Variants in RFX7 observed in about 807,000 individuals in gnomAD.
The protein encoded by RFX7 is regulatory factor X7.
RFX7 carries 26 observed loss-of-function variants against 111.8 expected under a neutral mutation model. The observed-to-expected ratio is 0.23, with a 90% CI of 0.17 to 0.32. RFX7 has a LOEUF of 0.32. RFX7 is among the 10% of genes least tolerant of loss of function. The pLI is 1.00. For missense variants in RFX7, 1,573 were observed against 1,772.9 expected, an observed-to-expected ratio of 0.89 and a Z score of 2.02; for synonymous variants, 624 against 624.4, an observed-to-expected ratio of 1.00 and a Z score of 0.01.
rs368199906 is a variant in RFX7 at position 56,173,977 on chromosome 15, G to A, written c.195+5293C>T. On this transcript the variant is annotated intron_variant, in intron 3 of 9. Transcript: ENST00000559447. Reference sequence around the variant, plus strand: ...TATTTAAGACAGAAACAAAATGGAGGATATAAAAACTTCTATAAAAAAGTG... The same window carrying A: ...TATTTAAGACAGAAACAAAATGGAGAATATAAAAACTTCTATAAAAAAGTG... Among the ~76,000 whole-genome samples, 128 of 152,126 alleles carry A rather than the reference G, an allele frequency of 8.4e-4. 2 individuals carry two copies. The South Asian group carries it at 0.017, about 20-fold the overall frequency.
In RFX7 at chr15:56,105,355, A is replaced by C. The variant is rs145707675; in HGVS notation, c.402-1685T>G. Among the ~76,000 whole-genome samples the C allele has an allele frequency of 1.1e-3, 165 of 152,358 alleles. 1 individual carries two copies. The highest frequency in any genetic ancestry group is 3.8e-3 in the African/African-American group (158 of 41,580). On this transcript the variant is annotated intron_variant, in intron 5 of 9. Transcript: ENST00000559447. Reference sequence around the variant, plus strand: ...TCATCACACTAAGTTCAAGCAGGGCAGTGACCATACCTATTGGATTCGCCA... The same window carrying C: ...TCATCACACTAAGTTCAAGCAGGGCCGTGACCATACCTATTGGATTCGCCA...
intron 2 of RFX7, among the ~76,000 whole-genome samples, chr15:56,232,703 C>T (rs1478374318): frequency 6.6e-6 from 1 of 152,206 alleles, no homozygotes; most frequent in East Asian, 1.9e-4. Flanking sequence ...GAACGCTTTG[C>T]TGCATAGAAA....
intron 8 of RFX7, 68 bp downstream of exon 8, chr15:56,101,291 T>C: frequency 7.5e-7 from 1 of 1,331,300 alleles, no homozygotes; most frequent in Non-Finnish European, 1.1e-6. Flanking sequence ...CTAACTCTTC[T>C]TTTGCTACCA....
chr15:56,146,611 A>T (rs1011532919), intron 3 of RFX7, among the ~76,000 whole-genome samples: 1 of 152,164 alleles, frequency 6.6e-6, no homozygotes, highest in Admixed American at 6.5e-5. Context: ...AATAGAAAAG[A>T]AATTCCAGAA....
At position 56,243,642 on chromosome 15, in the gene RFX7, G is replaced by C. The variant is rs1369275436; in HGVS notation, c.-200C>G. 6.9e-6 allele frequency: 1 copy of C among 143,912 alleles called. No individual in the cohort carries two copies. Among genetic ancestry groups the C allele is most frequent in the Non-Finnish European group, 1.3e-5 (1 of 76,202 alleles). The allele number at this position is 143,912 out of a possible 1,614,324, so 8.9% of individuals were successfully genotyped here. ...GATGGGGGCGTTTGAAGACGAAGTG[G>C]GGGGGGCAGGCTCCCCCCAAAATCC... On this transcript the variant is annotated 5_prime_UTR_variant, in exon 1 of 10. Coordinates refer to ENST00000559447, the MANE Select transcript of RFX7 (RefSeq NM_022841.7).
At chr15:56,111,906 G>A (rs1373713621) in intron 5 of RFX7, among the ~76,000 whole-genome samples, 8 of 151,928 alleles carry the variant, frequency 5.3e-5, no homozygotes, top group Non-Finnish European at 1.2e-4. Context: ...CACGAGGTCA[G>A]GAGGTCGAGA....
Position 56,095,838 on chromosome 15 carries a change from G to C in RFX7, c.1890C>G (p.Asn630Lys). Reference sequence around the variant, plus strand: ...GTGAGCTGCTGCTGGTGAAAGTTAAGTTCTGAGAAGCAACTGATAGAGTGA... The same window carrying C: ...GTGAGCTGCTGCTGGTGAAAGTTAACTTCTGAGAAGCAACTGATAGAGTGA... ...STITLSVASQ[N>K]LTFTSSSSPP... Residue 630 changes from asparagine to lysine, a missense_variant, in exon 10 of 10, where the codon AAC (asparagine) becomes AAG (lysine). By Grantham distance (94) the Asn-to-Lys change is moderately conservative (BLOSUM62 0). Coordinates refer to ENST00000559447, the MANE Select transcript of RFX7 (RefSeq NM_022841.7). 1 of 1,608,740 alleles carries C rather than the reference G, an allele frequency of 6.2e-7. No homozygotes were observed. Among genetic ancestry groups the C allele is most frequent in the Non-Finnish European group, 8.5e-7 (1 of 1,179,832 alleles).
chr15:56,136,794 A>C (rs2042309296), intron 5 of RFX7, among the ~76,000 whole-genome samples: 1 of 143,132 alleles, frequency 7.0e-6, no homozygotes, highest in Admixed American at 7.0e-5. Flanking sequence ...ACGTCCCATC[A>C]ATACCTAATT....
intron 2 of RFX7, among the ~76,000 whole-genome samples, chr15:56,233,714 C>T (rs563377124): frequency 1.3e-5 from 2 of 152,230 alleles, no homozygotes; most frequent in African/African-American, 4.8e-5. Flanking sequence ...TGGCAAGGTA[C>T]TAAGGCATAG....
At chr15:56,233,744 G>C (rs532444747) in intron 2 of RFX7, among the ~76,000 whole-genome samples, 1 of 152,258 alleles carries the variant, frequency 6.6e-6, no homozygotes, top group East Asian at 1.9e-4. Context: ...GGTTGTGAAA[G>C]GCCAAGTTTA....
chr15:56,218,218 G>A lies in RFX7; in HGVS notation c.161+24907C>T, dbSNP rs1026509554. On this transcript the variant is annotated intron_variant, in intron 2 of 9. Transcript: ENST00000559447. Reference sequence around the variant, plus strand: ...TGCCCAGGCTGGAGTGCAATGGCGCGTTCTCGGCTCACTGCAACCTCTGCC... The same window carrying A: ...TGCCCAGGCTGGAGTGCAATGGCGCATTCTCGGCTCACTGCAACCTCTGCC... Among the ~76,000 whole-genome samples the A allele has an allele frequency of 4.6e-5, 6 of 130,202 alleles. No individual in the cohort carries two copies. In the East Asian group the frequency reaches 9.8e-4, roughly 21 times the overall value. 85.4% of individuals were successfully genotyped at this position (130,202 alleles called of 152,430 possible).
chr15:56,134,934 G>A (rs2042276574), intron 5 of RFX7, among the ~76,000 whole-genome samples: 1 of 152,088 alleles, frequency 6.6e-6, no homozygotes, highest in Non-Finnish European at 1.5e-5. Context: ...TCCCTACAAA[G>A]GACATGAACT....
At chr15:56,204,166 C>T (rs146341790) in intron 2 of RFX7, among the ~76,000 whole-genome samples, 117 of 151,970 alleles carry the variant, frequency 7.7e-4, no homozygotes, top group Middle Eastern at 3.4e-3. Flanking sequence ...ATTACAGGTG[C>T]GTACCACCAC....
intron 9 of RFX7, 127 bp downstream of exon 9, chr15:56,097,954 T>C: frequency 8.2e-6 from 6 of 730,908 alleles, no homozygotes; most frequent in Middle Eastern, 2.7e-4. Flanking sequence ...GGGGAATGAA[T>C]CTTCCTGTGG....
At chr15:56,133,386 A>G (rs1027943315) in intron 5 of RFX7, among the ~76,000 whole-genome samples, 1 of 152,070 alleles carries the variant, frequency 6.6e-6, no homozygotes, top group African/African-American at 2.4e-5. Flanking sequence ...TTTAATGACT[A>G]TTAAAGGGAT....
chr15:56,087,658 AG>A lies in RFX7; in HGVS notation c.*5686del. On this transcript the variant is annotated 3_prime_UTR_variant, in exon 10 of 10. Coordinates refer to ENST00000559447, the MANE Select transcript of RFX7 (RefSeq NM_022841.7). ...TAAAAATCAAGGACTTTTACAGTAA[AG>A]AAGAAGGGGAGAATGCATACTACTG... 7.0e-6 allele frequency: 3 copies of A among 429,030 alleles called. No homozygotes were observed. Among genetic ancestry groups the A allele is most frequent in the South Asian group, 3.4e-5 (2 of 59,046 alleles). The allele number at this position is 429,030 out of a possible 1,614,324, so 26.6% of individuals were successfully genotyped here.
chr15:56,110,002 G>A (rs1468958677), intron 5 of RFX7, among the ~76,000 whole-genome samples: 23 of 137,140 alleles, frequency 1.7e-4, no homozygotes, highest in East Asian at 2.4e-4. Flanking sequence ...CGCCCCGTCC[G>A]GGAGGCGAGG....
At chr15:56,138,665 T>C (rs1193015787) in intron 5 of RFX7, among the ~76,000 whole-genome samples, 2 of 152,194 alleles carry the variant, frequency 1.3e-5, no homozygotes, top group African/African-American at 2.4e-5. Flanking sequence ...ATTATGATGT[T>C]AGCTGGTTGT....
intron 2 of RFX7, among the ~76,000 whole-genome samples, chr15:56,231,881 G>A (rs533658056): frequency 2.0e-5 from 3 of 152,322 alleles, no homozygotes; most frequent in East Asian, 3.9e-4. Context: ...AAACGAAGGA[G>A]CTAAAGGCCC....
Sources: allele counts gnomAD v4.1 joint callset (sites outside exome capture counted in the v4.1 genomes callset), GRCh38; gene constraint gnomAD v4.1.1; transcripts MANE v1.5; gene names NCBI Gene and HGNC (gene_info 2026-07-23, HGNC 2026-07-21).